The following SLC35E1 variants were observed in gnomAD, a reference collection of about 807,000 sequenced individuals.
SLC35E1 encodes solute carrier family 35 member E1.
SLC35E1 carries 12 observed loss-of-function variants against 31.0 expected under a neutral mutation model. The ratio of observed to expected loss-of-function variants is 0.39; its 90% CI spans 0.25 to 0.63. The LOEUF is 0.63. Among genes scored for constraint, SLC35E1 ranks in the 20% least tolerant of loss-of-function variants. SLC35E1 has a pLI of 0.52. For missense variants in SLC35E1, 429 were observed against 572.2 expected, an observed-to-expected ratio of 0.75 and a Z score of 2.55; for synonymous variants, 257 against 264.1, an observed-to-expected ratio of 0.97 and a Z score of 0.26.
chr19:16,567,410 G>A (rs1444580370), intron 3 of SLC35E1, among the ~76,000 whole-genome samples: 2 of 152,198 alleles, frequency 1.3e-5, no homozygotes, highest in Admixed American at 1.3e-4. Flanking sequence ...ATGAGGCTGA[G>A]GTGTGAGGAT....
rs576276538 is a variant in SLC35E1, at chr19:16,552,741, C to A, written c.*938G>T. On this transcript the variant is annotated 3_prime_UTR_variant, in exon 6 of 6. Transcript: ENST00000595753. ...AGGCAAAAACACACACACACAACTA[C>A]AAAATATTCCCTAGAAAAATGCAAG... 6.6e-6 allele frequency: 1 copy of A among 152,214 alleles called. No individual in the cohort carries two copies. Among genetic ancestry groups the A allele is most frequent in the African/African-American group, 2.4e-5 (1 of 41,446 alleles). The allele number at this position is 152,214 out of a possible 1,614,324, so 9.4% of individuals were successfully genotyped here.
chr19:16,555,639 T>C lies in SLC35E1; in HGVS notation c.757-242A>G. Reference sequence around the variant, plus strand: ...CGCCGTCTCCTGCCAAGGAAACAGGTGAAGCCAGGTCCCCAAAGGGCACCA... The same window carrying C: ...CGCCGTCTCCTGCCAAGGAAACAGGCGAAGCCAGGTCCCCAAAGGGCACCA... On this transcript the variant is annotated intron_variant, in intron 4 of 5. Transcript: ENST00000595753. The surrounding 1 kb of genome is among the most constrained non-coding windows in gnomAD (Gnocchi z 4.1). 2.0e-6 allele frequency: 1 copy of C among 510,600 alleles called. No homozygotes were observed. Among genetic ancestry groups the C allele is most frequent in the Admixed American group, 3.4e-5 (1 of 29,062 alleles). The allele number at this position is 510,600 out of a possible 1,614,324, so 31.6% of individuals were successfully genotyped here.
At position 16,571,971 on chromosome 19, in the gene SLC35E1, T is replaced by C; in HGVS notation, c.394A>G (p.Lys132Glu). 6.5e-7 allele frequency: 1 copy of C among 1,547,098 alleles called. No homozygotes were observed. Among genetic ancestry groups the C allele is most frequent in the Non-Finnish European group, 8.7e-7 (1 of 1,145,488 alleles). ...ASVSAHVSIWKVPVSYAHTVK... is the reference protein window; with the variant it reads ...ASVSAHVSIWEVPVSYAHTVK... The stretch of plus-strand genomic sequence containing the variant: ...GTGTGTGCATAGGACACGGGCACCT[T>C]CCAGATGCTGACGTGCGCTGACACG... Residue 132 changes from lysine to glutamate, a missense_variant, in exon 1 of 6, where the codon AAG becomes GAG. Lys to Glu is a moderately conservative substitution (Grantham distance 56). Coordinates refer to ENST00000595753, the MANE Select transcript of SLC35E1 (RefSeq NM_024881.5).
At position 16,555,168 on chromosome 19, in the gene SLC35E1, A is replaced by AC; in HGVS notation, c.985dup (p.Val329GlyfsTer5). ...GACTCTCACCTTGTTATAGAGGAAGACCCCCAGGATGGCGGTCATCATGCC... is the reference window on the plus strand; with the variant it reads ...GACTCTCACCTTGTTATAGAGGAAGACCCCCCAGGATGGCGGTCATCATGCC... On this transcript the variant is annotated frameshift_variant, in exon 5 of 6. Coordinates refer to ENST00000595753, the MANE Select transcript of SLC35E1 (RefSeq NM_024881.5). LOFTEE classifies it low-confidence loss of function (END_TRUNC). The surrounding 1 kb of genome is among the most constrained non-coding windows in gnomAD (Gnocchi z 4.1). The AC allele has an allele frequency of 6.2e-7, 1 of 1,613,778 alleles. No homozygotes were observed. The highest frequency in any genetic ancestry group is 1.1e-5 in the South Asian group (1 of 91,052).
chr19:16,561,833 A>G (rs1356787808), intron 4 of SLC35E1, among the ~76,000 whole-genome samples: 1 of 152,246 alleles, frequency 6.6e-6, no homozygotes, highest in East Asian at 1.9e-4. Flanking sequence ...AGACTGCAAC[A>G]TTAGTGAATA....
intron 4 of SLC35E1, among the ~76,000 whole-genome samples, chr19:16,556,435 G>C (rs903129635): frequency 6.6e-6 from 1 of 152,146 alleles, no homozygotes; most frequent in Non-Finnish European, 1.5e-5. Flanking sequence ...CTTGAGCCTA[G>C]GAGTTCAAGG....
In SLC35E1 at chr19:16,555,554, C is replaced by T. The variant is rs1172058372; in HGVS notation, c.757-157G>A. 3.1e-6 allele frequency: 3 copies of T among 981,702 alleles called. No individual in the cohort carries two copies. The highest frequency in any genetic ancestry group is 6.6e-4 in the Middle Eastern group (2 of 3,048). The allele number at this position is 981,702 out of a possible 1,614,324, so 60.8% of individuals were successfully genotyped here. A position where few individuals can be genotyped will look rare whatever the true frequency, so the allele number is the denominator to read the frequency against. On this transcript the variant is annotated intron_variant, in intron 4 of 5. Transcript: ENST00000595753. This position sits in a 1 kb window ranked among gnomAD's most constrained non-coding sequence, Gnocchi z 4.1. ...AGTCCAGATGTGTCACCAAGAGACA[C>T]TAGGTGCTTTAGGTCCATGACCTCA...
chr19:16,566,535 G>C lies in SLC35E1; in HGVS notation c.753C>G (p.Asp251Glu), dbSNP rs752563576. Reference sequence around the variant, plus strand: ...TTCTTGGTGCTGTACAACTCACCAAGTCGCTGCTGACCAGGAAAGCCGAGA... The same window carrying C: ...TTCTTGGTGCTGTACAACTCACCAACTCGCTGCTGACCAGGAAAGCCGAGA... ...VDLSAFLVSS[D>E]LTYVYQWPWT... The change falls in exon 4 of 6, where the codon GAC becomes GAG. Residue 251 changes from aspartate (D) to glutamate (E), a missense_variant. Physicochemically the swap from Asp to Glu is conservative, Grantham distance 45. Transcript: ENST00000595753. The C allele has an allele frequency of 1.2e-6, 2 of 1,612,652 alleles. No homozygotes were observed. The highest frequency in any genetic ancestry group is 1.3e-5 in the African/African-American group (1 of 74,976).
chr19:16,564,729 T>C (rs2085923449), intron 4 of SLC35E1, among the ~76,000 whole-genome samples: 1 of 152,218 alleles, frequency 6.6e-6, no homozygotes, highest in Non-Finnish European at 1.5e-5. Context: ...CCCTCAACTC[T>C]GGTCAACATT....
rs1358661325 is a variant in SLC35E1, at chr19:16,552,681, T to C, written c.*998A>G. The C allele has an allele frequency of 1.3e-5, 2 of 152,184 alleles. No individual in the cohort carries two copies. The highest frequency in any genetic ancestry group is 2.9e-5 in the Non-Finnish European group (2 of 68,042). 9.4% of individuals were successfully genotyped at this position (152,184 alleles called of 1,614,324 possible). ...TACAAACAAAAAGATTTTCGATGCA[T>C]AGGCCAGTCCTAATGCATCCCATAA... is the stretch of plus-strand genomic sequence containing the variant. On this transcript the variant is annotated 3_prime_UTR_variant, in exon 6 of 6. Transcript: ENST00000595753.
At chr19:16,558,107 G>A (rs900617801) in intron 4 of SLC35E1, among the ~76,000 whole-genome samples, 3 of 151,764 alleles carry the variant, frequency 2.0e-5, no homozygotes, top group Non-Finnish European at 2.9e-5. Context: ...GCAATGGTGC[G>A]ATCTCAGCTC....
chr19:16,553,959 C>A, intron 5 of SLC35E1, 50 bp from the exon 6 acceptor site: 2 of 1,479,244 alleles, frequency 1.4e-6, no homozygotes, highest in Non-Finnish European at 1.8e-6. Context: ...GGCATAAGAG[C>A]TCGTAATTCA....
chr19:16,561,244 G>GAAAGAAAGA (rs1555697407), intron 4 of SLC35E1, among the ~76,000 whole-genome samples: 12 of 71,896 alleles, frequency 1.7e-4, no homozygotes, highest in African/African-American at 2.9e-4. Flanking sequence ...AAAAAAAAAA[G>GAAAGAAAGA]AAAGAAAAGA....
At chr19:16,562,332 C>T (rs1411197678) in intron 4 of SLC35E1, among the ~76,000 whole-genome samples, 4 of 152,136 alleles carry the variant, frequency 2.6e-5, no homozygotes, top group African/African-American at 7.2e-5. Context: ...CCTTCTATGT[C>T]GTTATGAAGA....
chr19:16,572,025 G>C lies in SLC35E1; in HGVS notation c.340C>G (p.Pro114Ala). The C allele has an allele frequency of 3.2e-6, 5 of 1,544,418 alleles. No individual in the cohort carries two copies. The highest frequency in any genetic ancestry group is 4.4e-6 in the Non-Finnish European group (5 of 1,144,592). The change falls in exon 1 of 6, where the codon CCG becomes GCG. Residue 114 changes from proline to alanine, a missense_variant. Coordinates refer to ENST00000595753, the MANE Select transcript of SLC35E1 (RefSeq NM_024881.5). The surrounding 1 kb of genome is among the most constrained non-coding windows in gnomAD (Gnocchi z 4.1). Reference protein sequence around the residue: ...PPRFYPRYVLPLAFGKYFASV... With the variant: ...PPRFYPRYVLALAFGKYFASV... ...GCGAAGTACTTGCCGAAGGCGAGCG[G>C]TAGCACGTAGCGCGGGTAGAAGCGC...
intron 4 of SLC35E1, among the ~76,000 whole-genome samples, chr19:16,563,512 T>A (rs868704241): frequency 6.6e-6 from 1 of 152,008 alleles, no homozygotes; most frequent in Non-Finnish European, 1.5e-5. Flanking sequence ...TGACCAGACT[T>A]CTTCTTTTTT....
chr19:16,572,333 C>G lies in SLC35E1; in HGVS notation c.32G>C (p.Gly11Ala). 1 of 1,142,402 alleles carries G rather than the reference C, an allele frequency of 8.8e-7. No homozygotes were observed. Among genetic ancestry groups the G allele is most frequent in the Non-Finnish European group, 1.1e-6 (1 of 925,414 alleles). 70.8% of individuals were successfully genotyped at this position (1,142,402 alleles called of 1,614,324 possible). A position where few individuals can be genotyped will look rare whatever the true frequency, so the allele number is the denominator to read the frequency against. Residue 11 changes from glycine (G) to alanine (A), a missense_variant, in exon 1 of 6, where the codon GGC (glycine) becomes GCC (alanine). Transcript: ENST00000595753. This position sits in a 1 kb window ranked among gnomAD's most constrained non-coding sequence, Gnocchi z 4.1. Reference protein sequence around the residue: MAAAAVGAGHGAGGPGAASSS... With the variant: MAAAAVGAGHAAGGPGAASSS... Reference sequence around the variant, plus strand: ...GCTCGCTGCGCCCGGGCCCCCCGCGCCGTGGCCCGCGCCCACCGCGGCCGC... The same window carrying G: ...GCTCGCTGCGCCCGGGCCCCCCGCGGCGTGGCCCGCGCCCACCGCGGCCGC...
At position 16,552,955 on chromosome 19, in the gene SLC35E1, A is replaced by G. The variant is rs1400278711; in HGVS notation, c.*724T>C. 2 of 152,200 alleles carry G rather than the reference A, an allele frequency of 1.3e-5. No individual in the cohort carries two copies. The highest frequency in any genetic ancestry group is 2.4e-5 in the African/African-American group (1 of 41,446). The allele number at this position is 152,200 out of a possible 1,614,324, so 9.4% of individuals were successfully genotyped here. ...GGTGAGGGAAGAGGAGGCAAAGGAG[A>G]AGAGAGAAGTTTCCCTTCCATCTGG... is the stretch of plus-strand genomic sequence containing the variant. On this transcript the variant is annotated 3_prime_UTR_variant, in exon 6 of 6. Transcript: ENST00000595753.
chr19:16,568,358 G>A (rs1201029339), intron 2 of SLC35E1, among the ~76,000 whole-genome samples, 189 bp from the exon 3 acceptor site: 1 of 152,200 alleles, frequency 6.6e-6, no homozygotes, highest in Non-Finnish European at 1.5e-5. Context: ...CAGAGCGCCA[G>A]GGGCAGGGCT....
Sources: allele counts gnomAD v4.1 joint callset (sites outside exome capture counted in the v4.1 genomes callset), GRCh38; gene constraint gnomAD v4.1.1; non-coding constraint Gnocchi (gnomAD v3.1); transcripts MANE v1.5; gene names NCBI Gene and HGNC (gene_info 2026-07-23, HGNC 2026-07-21).